LY96: variants seen among roughly 807,000 people sequenced by gnomAD.
The protein encoded by LY96 is myeloid differentiation protein-2.
Under a neutral mutation model 18.9 loss-of-function variants are expected in LY96, and 18 were observed. The ratio of observed to expected loss-of-function variants is 0.95; its 90% CI spans 0.66 to 1.41. LY96 has a LOEUF of 1.41. Ranked by LOEUF, LY96 falls within the 40% of genes most tolerant of loss-of-function variation. The pLI is 0.00. For missense variants in LY96, 175 were observed against 182.4 expected (o/e 0.96, Z 0.23); for synonymous variants, 66 against 62.6 (o/e 1.06, Z -0.26).
At chr8:74,076,738 C>T in the LY96 span, among the ~76,000 whole-genome samples, 1 of 152,052 alleles carries the variant, frequency 6.6e-6, no homozygotes, top group Non-Finnish European at 1.5e-5. Flanking sequence ...TGTTTTTATT[C>T]ACATAACACT....
intron 1 of LY96, among the ~76,000 whole-genome samples, chr8:73,996,372 C>CCTTTCTTTCTTTCTTTCTTTCTTTCTTT (rs541600290): frequency 1.6e-4 from 18 of 110,986 alleles, no homozygotes; most frequent in East Asian, 9.5e-4. Context: ...TTCCTTCATT[C>CCTTTCTTTCTTTCTTTCTTTCTTTCTTT]CTTTCTTTCT....
the LY96 span, among the ~76,000 whole-genome samples, chr8:74,045,989 C>T: frequency 6.6e-6 from 1 of 152,036 alleles, no homozygotes; most frequent in Non-Finnish European, 1.5e-5. Flanking sequence ...GGAAGATGTC[C>T]AGAACTAGGC....
At chr8:74,084,977 C>G in the LY96 span, among the ~76,000 whole-genome samples, 20 of 152,308 alleles carry the variant, frequency 1.3e-4, no homozygotes, top group South Asian at 2.3e-3. Context: ...CTCATTCACA[C>G]TAAAGTACAA....
chr8:74,088,922 T>C, the LY96 span, among the ~76,000 whole-genome samples: 1 of 152,220 alleles, frequency 6.6e-6, no homozygotes, highest in Non-Finnish European at 1.5e-5. Context: ...TTGCAGGAGT[T>C]AATTTAACAA....
At chr8:74,080,964 C>A in the LY96 span, among the ~76,000 whole-genome samples, 91 of 151,386 alleles carry the variant, frequency 6.0e-4, no homozygotes, top group Non-Finnish European at 4.6e-4. Flanking sequence ...CTGTCTTGTG[C>A]CTTCTTTCTT....
intron 3 of LY96, among the ~76,000 whole-genome samples, chr8:74,013,883 C>T (rs549710194): frequency 6.6e-5 from 10 of 152,040 alleles, no homozygotes; most frequent in South Asian, 2.1e-4. Flanking sequence ...AAATATTGGC[C>T]GGTATCCTAT....
At chr8:73,999,798 C>T (rs918368454) in intron 1 of LY96, among the ~76,000 whole-genome samples, 3 of 152,252 alleles carry the variant, frequency 2.0e-5, no homozygotes, top group South Asian at 2.1e-4. Flanking sequence ...AGATTACAGG[C>T]ATGAGCCACC....
intron 3 of LY96, among the ~76,000 whole-genome samples, chr8:74,012,718 A>C (rs1190480783): frequency 6.6e-6 from 1 of 152,180 alleles, no homozygotes; most frequent in Admixed American, 6.5e-5. Flanking sequence ...TTATAAGAAC[A>C]AAATTTATAA....
At chr8:74,099,372 G>A in the LY96 span, 3 of 152,220 alleles carry the variant, frequency 2.0e-5, no homozygotes, top group Non-Finnish European at 4.4e-5. Flanking sequence ...AAAAGACTCT[G>A]CTGCTGATAT....
Position 74,012,813 on chromosome 8 carries a change from T to C in LY96, c.331+2684T>C, listed in dbSNP as rs536651436. Reference sequence around the variant, plus strand: ...AAAATTATATTTACATATAATTTTTTTGTAAAATTATTGTAAATTTTTTGT... The same window carrying C: ...AAAATTATATTTACATATAATTTTTCTGTAAAATTATTGTAAATTTTTTGT... On this transcript the variant is annotated intron_variant, in intron 3 of 4. Transcript: ENST00000284818. Among the ~76,000 whole-genome samples the C allele has an allele frequency of 3.3e-5, 5 of 152,252 alleles. No homozygotes were observed. In the South Asian group the frequency reaches 1.0e-3, roughly 31 times the overall value.
the LY96 span, among the ~76,000 whole-genome samples, chr8:74,091,130 G>C: frequency 6.6e-6 from 1 of 152,098 alleles, no homozygotes; most frequent in Admixed American, 6.5e-5. Flanking sequence ...AGGGGTATAC[G>C]AGGAGAAAGT....
intron 3 of LY96, among the ~76,000 whole-genome samples, chr8:74,013,568 G>A (rs1816576173): frequency 2.6e-5 from 4 of 152,090 alleles, no homozygotes; most frequent in Non-Finnish European, 5.9e-5. Flanking sequence ...GATTACAGGT[G>A]TGAGCCATTG....
downstream of LY96, among the ~76,000 whole-genome samples, chr8:74,030,657 G>A (rs1816955154): frequency 6.6e-6 from 1 of 152,084 alleles, no homozygotes; most frequent in African/African-American, 2.4e-5. Context: ...AAGTTTTCCT[G>A]GTGAAAGATG....
At chr8:74,025,654 CAAA>C (rs574843103) in intron 3 of LY96, among the ~76,000 whole-genome samples, 4 of 68,802 alleles carry the variant, frequency 5.8e-5, no homozygotes, top group Non-Finnish European at 6.3e-5. Flanking sequence ...AACTCCGTCT[CAAA>C]AAAAAAAAAA....
At chr8:74,083,251 G>A in the LY96 span, among the ~76,000 whole-genome samples, 1 of 151,918 alleles carries the variant, frequency 6.6e-6, no homozygotes, top group South Asian at 2.1e-4. Flanking sequence ...GTCTTGTTCT[G>A]TTGCCCAGGC....
intron 2 of LY96, among the ~76,000 whole-genome samples, chr8:74,009,393 A>AG: frequency 1.4e-5 from 2 of 145,984 alleles, no homozygotes; most frequent in African/African-American, 5.4e-5. Flanking sequence ...AAAAAAAAAA[A>AG]AAAAAAGAAG....
intron 1 of LY96, among the ~76,000 whole-genome samples, chr8:74,003,521 C>A (rs931881956): frequency 1.3e-5 from 2 of 152,236 alleles, no homozygotes; most frequent in African/African-American, 4.8e-5. Context: ...TAACCTTCAC[C>A]ATGGTGCCCA....
downstream of LY96, among the ~76,000 whole-genome samples, chr8:74,033,587 G>A (rs1029488299): frequency 6.6e-6 from 1 of 152,226 alleles, no homozygotes; most frequent in Non-Finnish European, 1.5e-5. Context: ...GAAGCTGCTA[G>A]ATTCTGCAGT....
downstream of LY96, among the ~76,000 whole-genome samples, chr8:74,031,754 A>G (rs1384567987): frequency 6.6e-6 from 1 of 152,194 alleles, no homozygotes; most frequent in Non-Finnish European, 1.5e-5. Flanking sequence ...AGCCCAGGCA[A>G]CAAAGTTACC....
Sources: allele counts gnomAD v4.1 joint callset (sites outside exome capture counted in the v4.1 genomes callset), GRCh38; gene constraint gnomAD v4.1.1; transcripts MANE v1.5; gene names NCBI Gene and HGNC (gene_info 2026-07-23, HGNC 2026-07-21).